The following NCKAP5 variants were observed in gnomAD, a reference collection of about 807,000 sequenced individuals.
The protein encoded by NCKAP5 is NCK associated protein 5.
A neutral mutation model predicts 167.0 loss-of-function variants in NCKAP5; 92 were observed. The observed-to-expected ratio is 0.55, with a 90% CI of 0.47 to 0.66. The LOEUF (loss-of-function observed/expected upper bound fraction) is 0.66. Among genes scored for constraint, NCKAP5 ranks in the 30% least tolerant of loss-of-function variants. NCKAP5 has a pLI of 0.00. For synonymous variants in NCKAP5, 891 were observed against 877.4 expected (o/e 1.02, Z -0.27); for missense variants, 2,378 against 2,315.0 (o/e 1.03, Z -0.56).
chr2:133,201,070 A>G (rs1413940362), intron 5 of NCKAP5, among the ~76,000 whole-genome samples: 2 of 152,206 alleles, frequency 1.3e-5, no homozygotes, highest in East Asian at 1.9e-4. Flanking sequence ...TTACAACAAT[A>G]TCCTAGAGTA....
At chr2:133,113,763 A>G (rs2081988907) in intron 6 of NCKAP5, among the ~76,000 whole-genome samples, 2 of 152,308 alleles carry the variant, frequency 1.3e-5, no homozygotes, top group South Asian at 4.1e-4. Flanking sequence ...ATGTGGACAG[A>G]GTATAGACAT....
At position 133,361,091 on chromosome 2, in the gene NCKAP5, G is replaced by T. The variant is rs146988142; in HGVS notation, c.70-57981C>A. Among the ~76,000 whole-genome samples the T allele has an allele frequency of 4.1e-3, 628 of 151,998 alleles. 6 individuals carry two copies. Among genetic ancestry groups the T allele is most frequent in the Middle Eastern group, 0.017 (5 of 294 alleles). ...AGGAAGTCATGGGCTCCTACCACAG[G>T]GTTAACCAAAGGTTGTGGCTTTTCT... On this transcript the variant is annotated intron_variant, in intron 3 of 19. Coordinates refer to ENST00000409261, the MANE Select transcript of NCKAP5 (RefSeq NM_207363.3).
intron 8 of NCKAP5, among the ~76,000 whole-genome samples, chr2:132,894,121 C>G (rs1217848809): frequency 6.6e-6 from 1 of 152,140 alleles, no homozygotes; most frequent in South Asian, 2.1e-4. Flanking sequence ...AATCCTGGCA[C>G]CAGCAACAAA....
chr2:133,168,665 AC>A (rs1264598131), intron 5 of NCKAP5, among the ~76,000 whole-genome samples: 5 of 152,076 alleles, frequency 3.3e-5, no homozygotes, highest in Middle Eastern at 3.2e-3. Flanking sequence ...AGAAGCTAAG[AC>A]CCCAAAACAG....
chr2:132,737,334 C>G (rs977489927), intron 16 of NCKAP5, among the ~76,000 whole-genome samples: 2 of 152,108 alleles, frequency 1.3e-5, no homozygotes, highest in South Asian at 4.2e-4. Flanking sequence ...AGGAGGAGAC[C>G]TTTTCAGTCT....
At chr2:133,281,857 T>G (rs1407957613) in intron 4 of NCKAP5, among the ~76,000 whole-genome samples, 1 of 152,192 alleles carries the variant, frequency 6.6e-6, no homozygotes, top group Non-Finnish European at 1.5e-5. Flanking sequence ...ACCACCATCT[T>G]GAGAGCTGCT....
Position 132,832,878 on chromosome 2 carries a change from A to T in NCKAP5, c.807+27614T>A, listed in dbSNP as rs145484139. Among the ~76,000 whole-genome samples, 3 of 152,270 alleles carry T rather than the reference A, an allele frequency of 2.0e-5. No homozygotes were observed. The East Asian group carries it at 5.8e-4, about 29-fold the overall frequency. On this transcript the variant is annotated intron_variant, in intron 11 of 19. Coordinates refer to ENST00000409261, the MANE Select transcript of NCKAP5 (RefSeq NM_207363.3). ...TACGGATTTATTTTCCTTTGGGTAGATAGCCAGTAGTGGGATTGCTGGATC... is the reference window on the plus strand; with the variant it reads ...TACGGATTTATTTTCCTTTGGGTAGTTAGCCAGTAGTGGGATTGCTGGATC...
At chr2:132,850,515 C>G (rs1574417146) in intron 11 of NCKAP5, among the ~76,000 whole-genome samples, 1 of 151,912 alleles carries the variant, frequency 6.6e-6, no homozygotes. Context: ...CACTAATACC[C>G]TGGGCCTATT....
chr2:133,031,991 T>C (rs1470471767), intron 6 of NCKAP5, among the ~76,000 whole-genome samples: 2 of 152,092 alleles, frequency 1.3e-5, no homozygotes, highest in Admixed American at 1.3e-4. Context: ...GTAAGGACCT[T>C]GGTGAGCCTC....
chr2:133,436,315 C>G (rs1368997485), intron 3 of NCKAP5, among the ~76,000 whole-genome samples: 1 of 152,102 alleles, frequency 6.6e-6, no homozygotes, highest in Non-Finnish European at 1.5e-5. Context: ...GGAATAGAGA[C>G]CAGGCATCAC....
the NCKAP5 span, among the ~76,000 whole-genome samples, chr2:133,584,996 G>GGAAGGAAGGAA: frequency 6.9e-4 from 57 of 82,970 alleles, 4 homozygotes; most frequent in East Asian, 0.016. Context: ...GAAGGAAGGA[G>GGAAGGAAGGAA]GGAAAGAAAG....
chr2:132,797,231 T>C (rs377129569), intron 11 of NCKAP5, among the ~76,000 whole-genome samples: 1 of 152,322 alleles, frequency 6.6e-6, no homozygotes, highest in Non-Finnish European at 1.5e-5. Flanking sequence ...ATTAATGTCA[T>C]CTGTTAGGAA....
At chr2:132,730,066 C>T (rs1048282787) in intron 17 of NCKAP5, among the ~76,000 whole-genome samples, 1 of 152,160 alleles carries the variant, frequency 6.6e-6, no homozygotes, top group African/African-American at 2.4e-5. Context: ...GGAAAGTAGG[C>T]CCTGCCTCTG....
intron 16 of NCKAP5, among the ~76,000 whole-genome samples, chr2:132,740,789 A>T (rs1404828732): frequency 1.3e-5 from 2 of 152,136 alleles, no homozygotes; most frequent in East Asian, 3.8e-4. Flanking sequence ...GGAGTCTTGC[A>T]TAGGGAATGA....
chr2:133,593,144 G>GAATTCACA, the NCKAP5 span, among the ~76,000 whole-genome samples: 2 of 152,168 alleles, frequency 1.3e-5, no homozygotes, highest in Admixed American at 1.3e-4. Context: ...AGCTGATGCA[G>GAATTCACA]AATTCACAAG....
the NCKAP5 span, among the ~76,000 whole-genome samples, chr2:133,672,647 T>A: frequency 6.6e-6 from 1 of 152,316 alleles, no homozygotes; most frequent in East Asian, 1.9e-4. Context: ...CTGTTGCAAC[T>A]ACTCAGCCCT....
intron 19 of NCKAP5, among the ~76,000 whole-genome samples, chr2:132,706,943 A>G (rs1688413821): frequency 6.6e-6 from 1 of 152,234 alleles, no homozygotes; most frequent in African/African-American, 2.4e-5. Flanking sequence ...AAAGAACATA[A>G]GAAGCTGGAG....
chr2:133,604,232 A>G, the NCKAP5 span, among the ~76,000 whole-genome samples: 1 of 151,998 alleles, frequency 6.6e-6, no homozygotes, highest in Non-Finnish European at 1.5e-5. Flanking sequence ...TAGAGACAGA[A>G]TCTCGCTCTG....
In NCKAP5 at chr2:132,710,943, T is replaced by G. The variant is rs143053795; in HGVS notation, c.5713+14684A>C. ...GGTACTAGAAATATTGTTTCGCTTA[T>G]GCTTTGTTCTGAAAATCCAGCTAAG... On this transcript the variant is annotated intron_variant, in intron 19 of 19. Coordinates refer to ENST00000409261, the MANE Select transcript of NCKAP5 (RefSeq NM_207363.3). Among the ~76,000 whole-genome samples the G allele has an allele frequency of 2.3e-3, 357 of 152,360 alleles. 1 individual carries two copies. The highest frequency in any genetic ancestry group is 8.2e-3 in the African/African-American group (341 of 41,596).
Sources: allele counts gnomAD v4.1 joint callset (sites outside exome capture counted in the v4.1 genomes callset), GRCh38; gene constraint gnomAD v4.1.1; transcripts MANE v1.5; gene names NCBI Gene and HGNC (gene_info 2026-07-23, HGNC 2026-07-21).